The following RASAL2 variants were observed in gnomAD, a reference collection of about 807,000 sequenced individuals.
RASAL2 encodes RAS protein activator like 2.
Under a neutral mutation model 128.9 loss-of-function variants are expected in RASAL2, and 58 were observed. That is an observed-to-expected ratio of 0.45 (90% CI 0.36 to 0.56). RASAL2 has a LOEUF of 0.56. RASAL2 is among the 20% of genes least tolerant of loss of function. The pLI is 0.00. For synonymous variants in RASAL2, 561 were observed against 580.8 expected (o/e 0.97, Z 0.49); for missense variants, 1,360 against 1,601.6 (o/e 0.85, Z 2.57).
At chr1:178,159,208 G>T (rs1289266001) in intron 1 of RASAL2, among the ~76,000 whole-genome samples, 1 of 152,078 alleles carries the variant, frequency 6.6e-6, no homozygotes, top group East Asian at 1.9e-4. Flanking sequence ...GCTTAGCTTG[G>T]TTTTATTTTT....
At position 178,137,921 on chromosome 1, in the gene RASAL2, A is replaced by G. The variant is rs77532543; in HGVS notation, c.202+43227A>G. Among the ~76,000 whole-genome samples the G allele has an allele frequency of 6.2e-3, 949 of 152,288 alleles. 8 individuals are homozygous for G. The highest frequency in any genetic ancestry group is 0.019 in the African/African-American group (805 of 41,546). Reference sequence around the variant, plus strand: ...TGTTTTTAGTCGCCATTTCTGCGTCATATTTTATAGAGATTGTTCTTACTC... The same window carrying G: ...TGTTTTTAGTCGCCATTTCTGCGTCGTATTTTATAGAGATTGTTCTTACTC... On this transcript the variant is annotated intron_variant, in intron 1 of 17. Transcript: ENST00000367649.
chr1:178,134,914 G>T (rs756766408), intron 1 of RASAL2, among the ~76,000 whole-genome samples: 1 of 152,140 alleles, frequency 6.6e-6, no homozygotes, highest in Non-Finnish European at 1.5e-5. Context: ...CATTTTGCTC[G>T]TTGACTTTTG....
chr1:178,478,610 A>G lies in RASAL2; in HGVS notation c.*5371A>G, dbSNP rs1276319284. ...TTCAAGAAAGAGAAATACACCTTAG[A>G]AAAACAAAACCCAAGATTTTATTTT... On this transcript the variant is annotated 3_prime_UTR_variant, in exon 18 of 18. Transcript: ENST00000367649. The G allele has an allele frequency of 1.3e-5, 2 of 152,244 alleles. No individual in the cohort carries two copies. Among genetic ancestry groups the G allele is most frequent in the South Asian group, 2.1e-4 (1 of 4,834 alleles). The allele number at this position is 152,244 out of a possible 1,614,324, so 9.4% of individuals were successfully genotyped here.
chr1:178,303,668 T>A (rs1459168752), intron 3 of RASAL2, among the ~76,000 whole-genome samples: 2 of 151,932 alleles, frequency 1.3e-5, no homozygotes, highest in Non-Finnish European at 2.9e-5. Flanking sequence ...ATTCTGTCAA[T>A]CAGTACATCA....
chr1:178,464,436 A>G, intron 15 of RASAL2, 24 bp downstream of exon 15: 1 of 1,608,240 alleles, frequency 6.2e-7, no homozygotes, highest in Non-Finnish European at 8.5e-7. Flanking sequence ...TGCTTCATCA[A>G]CTTTCTGATC....
intron 3 of RASAL2, among the ~76,000 whole-genome samples, chr1:178,305,429 C>T (rs532025163): frequency 5.3e-5 from 8 of 152,124 alleles, no homozygotes; most frequent in Non-Finnish European, 1.0e-4. Context: ...CAAAATAGCA[C>T]GGCACAGGCA....
chr1:178,438,646 A>G (rs1362923214), intron 5 of RASAL2, among the ~76,000 whole-genome samples: 1 of 152,046 alleles, frequency 6.6e-6, no homozygotes, highest in African/African-American at 2.4e-5. Context: ...AGCAACTAGG[A>G]AACAAAATCA....
At chr1:178,349,562 AAAT>A (rs1242274356) in intron 3 of RASAL2, among the ~76,000 whole-genome samples, 2 of 152,114 alleles carry the variant, frequency 1.3e-5, no homozygotes, top group Admixed American at 1.3e-4. Flanking sequence ...TTCATCATGT[AAAT>A]AATAGAATTT....
At chr1:178,162,477 T>C (rs1320615357) in intron 1 of RASAL2, among the ~76,000 whole-genome samples, 1 of 125,016 alleles carries the variant, frequency 8.0e-6, no homozygotes, top group Non-Finnish European at 1.6e-5. Flanking sequence ...TATATATTTA[T>C]ATTTTATATA....
At chr1:178,340,413 G>C (rs1020363551) in intron 3 of RASAL2, among the ~76,000 whole-genome samples, 7 of 151,982 alleles carry the variant, frequency 4.6e-5, no homozygotes, top group African/African-American at 1.7e-4. Flanking sequence ...TATTAATAAT[G>C]AAGATTACAT....
chr1:178,163,466 T>C (rs1383090953), intron 1 of RASAL2, among the ~76,000 whole-genome samples: 2 of 152,218 alleles, frequency 1.3e-5, no homozygotes, highest in African/African-American at 2.4e-5. Flanking sequence ...GATCCTGTGA[T>C]GAGTCAGTTT....
intron 1 of RASAL2, among the ~76,000 whole-genome samples, chr1:178,267,315 A>AT (rs1175659903): frequency 6.6e-6 from 1 of 152,032 alleles, no homozygotes; most frequent in African/African-American, 2.4e-5. Context: ...CTTTTTACTG[A>AT]TTTCCTATTA....
intron 1 of RASAL2, among the ~76,000 whole-genome samples, chr1:178,216,981 A>G (rs1284525250): frequency 6.7e-6 from 1 of 149,492 alleles, no homozygotes; most frequent in East Asian, 2.0e-4. Flanking sequence ...TTATTTATTT[A>G]TTTATTTTTT....
At position 178,473,140 on chromosome 1, in the gene RASAL2, G is replaced by A. The variant is rs1351088127; in HGVS notation, c.3744G>A (p.Lys1248=). The part of the protein sequence containing the change: ...TRLMSALTQV[K]ERYSMQVRNG... ...TGATGAGCGCGCTGACCCAAGTGAA[G>A]GAGCGGTACAGCATGCAGGTCCGCA... Residue 1248 remains lysine, a synonymous_variant, in exon 18 of 18, where the codon AAG becomes AAA. Coordinates refer to ENST00000367649, the MANE Select transcript of RASAL2 (RefSeq NM_170692.4). 13 of 1,614,074 alleles carry A rather than the reference G, an allele frequency of 8.1e-6. No individual in the cohort carries two copies. The highest frequency in any genetic ancestry group is 1.7e-5 in the Admixed American group (1 of 60,002).
At chr1:178,342,774 A>G (rs1394681652) in intron 3 of RASAL2, among the ~76,000 whole-genome samples, 1 of 152,208 alleles carries the variant, frequency 6.6e-6, no homozygotes, top group Non-Finnish European at 1.5e-5. Flanking sequence ...AAAATATAAG[A>G]TAATATTTTA....
rs562847887 is a variant in RASAL2, at chr1:178,355,771, A to G, written c.458-34329A>G. Among the ~76,000 whole-genome samples, 42 of 152,378 alleles carry G rather than the reference A, an allele frequency of 2.8e-4. No individual in the cohort carries two copies. In the South Asian group the frequency reaches 8.3e-3, roughly 30 times the overall value. On this transcript the variant is annotated intron_variant, in intron 3 of 17. Coordinates refer to ENST00000367649, the MANE Select transcript of RASAL2 (RefSeq NM_170692.4). Reference sequence around the variant, plus strand: ...CAAATTGAGAAAGACAAAGCCCAATAGAAAAATGGGCAGAGACTTAATAGG... The same window carrying G: ...CAAATTGAGAAAGACAAAGCCCAATGGAAAAATGGGCAGAGACTTAATAGG...
chr1:178,274,949 T>A (rs1333728293), intron 1 of RASAL2, among the ~76,000 whole-genome samples: 1 of 152,258 alleles, frequency 6.6e-6, no homozygotes, highest in Non-Finnish European at 1.5e-5. Flanking sequence ...TAGGCTTTTA[T>A]TTCCTTCAAA....
intron 1 of RASAL2, among the ~76,000 whole-genome samples, chr1:178,274,974 G>A (rs1050644280): frequency 1.3e-5 from 2 of 152,202 alleles, no homozygotes; most frequent in African/African-American, 4.8e-5. Flanking sequence ...TAGTATATAA[G>A]TGACCTATTT....
Position 178,383,778 on chromosome 1 carries a change from T to C in RASAL2, c.458-6322T>C, listed in dbSNP as rs570396407. On this transcript the variant is annotated intron_variant, in intron 3 of 17. Coordinates refer to ENST00000367649, the MANE Select transcript of RASAL2 (RefSeq NM_170692.4). ...AGAATTCACAGCATGGAGAGAGAAG[T>C]TATTTGCTTATTTCATTCATTAATA... Among the ~76,000 whole-genome samples, 16 of 152,288 alleles carry C rather than the reference T, an allele frequency of 1.1e-4. No individual in the cohort carries two copies. In the South Asian group the frequency reaches 3.3e-3, roughly 32 times the overall value.
Sources: allele counts gnomAD v4.1 joint callset (sites outside exome capture counted in the v4.1 genomes callset), GRCh38; gene constraint gnomAD v4.1.1; transcripts MANE v1.5; gene names NCBI Gene and HGNC (gene_info 2026-07-23, HGNC 2026-07-21).